Variants in ALPL observed in about 807,000 individuals in gnomAD.
ALPL encodes the protein alkaline phosphatase, biomineralization associated.
In ALPL, 42 loss-of-function variants were observed where a neutral mutation model predicts 51.3. The observed-to-expected ratio is 0.82, with a 90% CI of 0.64 to 1.06. The LOEUF is 1.06. ALPL is among the 50% of genes least tolerant of loss of function. ALPL has a pLI of 0.00. For synonymous variants in ALPL, 279 were observed against 296.4 expected (o/e 0.94, Z 0.60); for missense variants, 589 against 709.4 (o/e 0.83, Z 1.93).
intron 1 of ALPL, among the ~76,000 whole-genome samples, chr1:21,526,288 T>C (rs6658446): frequency 0.94 from 142,845 of 152,028 alleles, 67,243 homozygotes; most frequent in East Asian, 1. Context: ...TACAGGCATG[T>C]ACCACCATAC....
At chr1:21,519,253 TA>T (rs756678626) in intron 1 of ALPL, among the ~76,000 whole-genome samples, 1 of 152,196 alleles carries the variant, frequency 6.6e-6, no homozygotes, top group Non-Finnish European at 1.5e-5. Flanking sequence ...CTGTGCCTCA[TA>T]AAAGGTTCCT....
chr1:21,544,045 T>A (rs1644223769), intron 1 of ALPL, among the ~76,000 whole-genome samples: 1 of 152,182 alleles, frequency 6.6e-6, no homozygotes, highest in Admixed American at 6.5e-5. Flanking sequence ...CCTGGCCCAG[T>A]ACCTGCCATC....
At chr1:21,540,166 C>T (rs1057074035) in intron 1 of ALPL, among the ~76,000 whole-genome samples, 1 of 152,202 alleles carries the variant, frequency 6.6e-6, no homozygotes, top group African/African-American at 2.4e-5. Context: ...TGGGGCAGAA[C>T]ATGTCCTTTC....
chr1:21,561,038 A>G (rs1218473638), intron 3 of ALPL, 59 bp from the exon 4 acceptor site: 5 of 1,477,542 alleles, frequency 3.4e-6, no homozygotes, highest in South Asian at 1.2e-5. Context: ...TGGGTACCCA[A>G]GCAGGCTGAT....
Position 21,573,799 on chromosome 1 carries a change from G to A in ALPL, c.997G>A (p.Gly333Arg). The change falls in exon 9 of 12, where the codon GGA (glycine) becomes AGA (arginine). Residue 333 changes from glycine to arginine, a missense_variant and splice_region_variant. Coordinates refer to ENST00000374840, the MANE Select transcript of ALPL (RefSeq NM_000478.6). ...NPKGFFLLVE[G>R]GRIDHGHHEG... ...CAAAGGCTTCTTCTTGCTGGTGGAA[G>A]GTAGGGACCCCGGGTCTGCTGAGAG... 6.2e-7 allele frequency: 1 copy of A among 1,614,180 alleles called. No homozygotes were observed. Among genetic ancestry groups the A allele is most frequent in the Non-Finnish European group, 8.5e-7 (1 of 1,180,034 alleles).
chr1:21,548,604 C>T (rs12143671), intron 1 of ALPL, among the ~76,000 whole-genome samples: 38,861 of 152,086 alleles, frequency 0.26, 6,211 homozygotes, highest in South Asian at 0.43. Context: ...TCAGTGCTCC[C>T]GGGTCACTAC....
Position 21,577,498 on chromosome 1 carries a change from C to T in ALPL, c.1425C>T (p.His475=), listed in dbSNP as rs183381346. Reference sequence around the variant, plus strand: ...TGGCGCACCTGCTGCACGGCGTCCACGAGCAGAACTACGTCCCCCACGTGA... The same window carrying T: ...TGGCGCACCTGCTGCACGGCGTCCATGAGCAGAACTACGTCCCCCACGTGA... ...GPMAHLLHGV[H]EQNYVPHVMA... is the part of the protein sequence containing the mutation. The change falls in exon 12 of 12, where the codon CAC becomes CAT. Residue 475 remains histidine (H), a synonymous_variant. Coordinates refer to ENST00000374840, the MANE Select transcript of ALPL (RefSeq NM_000478.6). 1.6e-5 allele frequency: 26 copies of T among 1,609,152 alleles called. No individual in the cohort carries two copies. In the East Asian group the frequency reaches 2.9e-4, roughly 18 times the overall value.
At chr1:21,514,441 CT>C (rs1205863325) in intron 1 of ALPL, among the ~76,000 whole-genome samples, 2 of 152,228 alleles carry the variant, frequency 1.3e-5, no homozygotes, top group African/African-American at 4.8e-5. Flanking sequence ...GAAACACGAT[CT>C]TGCACTCTGA....
At chr1:21,530,204 C>T (rs911908477) in intron 1 of ALPL, among the ~76,000 whole-genome samples, 4 of 152,094 alleles carry the variant, frequency 2.6e-5, no homozygotes, top group Non-Finnish European at 5.9e-5. Context: ...CTGGATCCTC[C>T]CTCTCAAATC....
At chr1:21,563,762 G>T (rs375271521) in intron 5 of ALPL, among the ~76,000 whole-genome samples, 79 of 151,162 alleles carry the variant, frequency 5.2e-4, no homozygotes, top group African/African-American at 1.9e-3. Flanking sequence ...CAGGGGTCCT[G>T]TGGGCGCCTT....
At chr1:21,550,094 G>A (rs142148014) in intron 1 of ALPL, among the ~76,000 whole-genome samples, 7 of 152,290 alleles carry the variant, frequency 4.6e-5, no homozygotes, top group African/African-American at 1.7e-4. Flanking sequence ...ATCAGGGATC[G>A]CCAGGTTTAG....
intron 11 of ALPL, among the ~76,000 whole-genome samples, chr1:21,577,173 T>G (rs1185824536): frequency 6.6e-6 from 1 of 152,238 alleles, no homozygotes; most frequent in Non-Finnish European, 1.5e-5. Flanking sequence ...ATTTTCTCTG[T>G]TGGGGGTTGA....
At chr1:21,559,909 A>T (rs1326934195) in intron 2 of ALPL, among the ~76,000 whole-genome samples, 1 of 152,200 alleles carries the variant, frequency 6.6e-6, no homozygotes, top group Non-Finnish European at 1.5e-5. Flanking sequence ...AGAGAGAAAG[A>T]AGTGTTCTTA....
At chr1:21,520,130 GTT>G (rs1336452414) in intron 1 of ALPL, among the ~76,000 whole-genome samples, 1 of 151,846 alleles carries the variant, frequency 6.6e-6, no homozygotes, top group Non-Finnish European at 1.5e-5. Flanking sequence ...TGTTGTTGTT[GTT>G]TGTTTGTTTT....
chr1:21,517,641 AG>A (rs1374371185), intron 1 of ALPL, among the ~76,000 whole-genome samples: 2 of 152,100 alleles, frequency 1.3e-5, no homozygotes, highest in African/African-American at 4.8e-5. Context: ...AGAAACCCAG[AG>A]GGGCCTGGGT....
intron 1 of ALPL, among the ~76,000 whole-genome samples, chr1:21,542,037 A>G (rs920219953): frequency 2.6e-5 from 4 of 152,186 alleles, no homozygotes; most frequent in African/African-American, 9.7e-5. Flanking sequence ...CTGCGCAAGC[A>G]CTTCATCCAG....
At position 21,575,204 on chromosome 1, in the gene ALPL, G is replaced by A. The variant is rs528479316; in HGVS notation, c.998-529G>A. On this transcript the variant is annotated intron_variant, in intron 9 of 11. Transcript: ENST00000374840. ...TAGAGATGAAAAACGGGGTTAGGACGAGTCACACCTGAATTCACATCCTGG... is the reference window on the plus strand; with the variant it reads ...TAGAGATGAAAAACGGGGTTAGGACAAGTCACACCTGAATTCACATCCTGG... Among the ~76,000 whole-genome samples, 95 of 152,302 alleles carry A rather than the reference G, an allele frequency of 6.2e-4. No homozygotes were observed. The Middle Eastern group carries it at 0.024, about 38-fold the overall frequency.
chr1:21,564,088 C>T lies in ALPL; in HGVS notation c.520C>T (p.Pro174Ser). ...CACCACGAGAGTGAACCATGCCACC[C>T]CCAGCGCCGCCTACGCCCACTCGGC... ...VTTTRVNHATPSAAYAHSADR... is the reference protein window; with the variant it reads ...VTTTRVNHATSSAAYAHSADR... The change falls in exon 6 of 12, where the codon CCC becomes TCC. Residue 174 changes from proline to serine, a missense_variant. Physicochemically the swap from Pro to Ser is moderately conservative, Grantham distance 74 (BLOSUM62 -1). Transcript: ENST00000374840. This position sits in a 1 kb window ranked among gnomAD's most constrained non-coding sequence, Gnocchi z 5.8. 6.2e-7 allele frequency: 1 copy of T among 1,614,086 alleles called. No homozygotes were observed.
rs1644271624 is a variant in ALPL at position 21,547,735 on chromosome 1, G to C, written c.-104-6243G>C. Reference sequence around the variant, plus strand: ...TAGTCGAAGACTAGCCAAACCCTCTGTTGGGTTTCCTAAGCTACAAAACGG... The same window carrying C: ...TAGTCGAAGACTAGCCAAACCCTCTCTTGGGTTTCCTAAGCTACAAAACGG... On this transcript the variant is annotated intron_variant, in intron 1 of 11. Coordinates refer to ENST00000374840, the MANE Select transcript of ALPL (RefSeq NM_000478.6). 2.0e-5 allele frequency among the ~76,000 whole-genome samples: 3 copies of C among 152,228 alleles called. No homozygotes were observed. In the South Asian group the frequency reaches 6.2e-4, roughly 31 times the overall value.
Sources: allele counts gnomAD v4.1 joint callset (sites outside exome capture counted in the v4.1 genomes callset), GRCh38; gene constraint gnomAD v4.1.1; non-coding constraint Gnocchi (gnomAD v3.1); transcripts MANE v1.5; gene names NCBI Gene and HGNC (gene_info 2026-07-23, HGNC 2026-07-21).